DNAJC11: variants seen among roughly 807,000 people sequenced by gnomAD.
DNAJC11 encodes DnaJ heat shock protein family (Hsp40) member C11, also known as dnaJ homolog subfamily C member 11.
Under a neutral mutation model 78.6 loss-of-function variants are expected in DNAJC11, and 15 were observed. The ratio of observed to expected loss-of-function variants is 0.19; its 90% CI spans 0.13 to 0.29. The LOEUF (loss-of-function observed/expected upper bound fraction) is 0.29, where lower values mean the gene tolerates loss of function less well. Ranked by LOEUF, DNAJC11 falls within the 10% of genes least tolerant of loss-of-function variation. The probability of loss-of-function intolerance (pLI) is 1.00; values close to 1 mark genes in which losing one functional copy is unlikely to be tolerated. For synonymous variants in DNAJC11, 292 were observed against 272.1 expected, an observed-to-expected ratio of 1.07 and a Z score of -0.72; for missense variants, 547 against 709.6, an observed-to-expected ratio of 0.77 and a Z score of 2.60.
chr1:6,670,341 T>C (rs1280841823), intron 3 of DNAJC11: 2 of 152,178 alleles, frequency 1.3e-5, no homozygotes, highest in African/African-American at 4.8e-5. Flanking sequence ...AGGCTCACAC[T>C]CAATTTTTTT....
intron 3 of DNAJC11, among the ~76,000 whole-genome samples, chr1:6,668,925 G>A (rs1004005555): frequency 6.6e-5 from 10 of 152,000 alleles, no homozygotes; most frequent in South Asian, 2.1e-4. Context: ...GGTGGCTCAC[G>A]CCTGTAATCC....
chr1:6,638,779 G>A (rs1050854871), intron 11 of DNAJC11, among the ~76,000 whole-genome samples: 1 of 152,138 alleles, frequency 6.6e-6, no homozygotes, highest in Non-Finnish European at 1.5e-5. Context: ...CTACTGTCTC[G>A]GCCTCCCGAA....
chr1:6,637,689 G>A (rs1641803501), intron 12 of DNAJC11, 185 bp from the exon 13 acceptor site: 3 of 657,708 alleles, frequency 4.6e-6, no homozygotes, highest in Admixed American at 2.6e-5. Context: ...TAGACCTAGG[G>A]CAGGCAGCTC....
chr1:6,647,028 G>A (rs940166408), intron 7 of DNAJC11, among the ~76,000 whole-genome samples: 13 of 149,474 alleles, frequency 8.7e-5, no homozygotes, highest in African/African-American at 3.2e-4. Flanking sequence ...GTAGCGGCAC[G>A]CCCTGTAGTC....
At position 6,652,846 on chromosome 1, in the gene DNAJC11, C is replaced by A; in HGVS notation, c.613G>T (p.Ala205Ser). 1 of 1,614,192 alleles carries A rather than the reference C, an allele frequency of 6.2e-7. No homozygotes were observed. The highest frequency in any genetic ancestry group is 8.5e-7 in the Non-Finnish European group (1 of 1,180,046). Reference protein sequence around the residue: ...INFALRRVTSAKGWGELEFGA... With the variant: ...INFALRRVTSSKGWGELEFGA... ...ATTCTTACCTCTCCCCATCCCTTTG[C>A]CGAAGTTACTCGTCTGAGCGCAAAG... is the stretch of plus-strand genomic sequence containing the variant. Residue 205 changes from alanine to serine, a missense_variant, in exon 6 of 16, where the codon GCA (alanine) becomes TCA (serine). Transcript: ENST00000377577.
Position 6,673,620 on chromosome 1 carries a change from C to T in DNAJC11, c.276+4774G>A, listed in dbSNP as rs148729639. Among the ~76,000 whole-genome samples, 34 of 152,318 alleles carry T rather than the reference C, an allele frequency of 2.2e-4. No individual in the cohort carries two copies. In the East Asian group the frequency reaches 6.4e-3, roughly 28 times the overall value. On this transcript the variant is annotated intron_variant, in intron 3 of 15. Coordinates refer to ENST00000377577, the MANE Select transcript of DNAJC11 (RefSeq NM_018198.4). ...CCCCCAATGTTAGCACCTTTTATAA[C>T]CATGGAAGAGCTCTCAAATCTCAGA...
chr1:6,651,579 T>G lies in DNAJC11; in HGVS notation c.654A>C (p.Leu218=), dbSNP rs149367236. 652 of 1,614,008 alleles carry G rather than the reference T, an allele frequency of 4.0e-4. 3 individuals are homozygous for G. The highest frequency in any genetic ancestry group is 6.2e-5 in the Non-Finnish European group (73 of 1,180,000). ...WGELEFGAGD[L]QGPLFGLKLF... The stretch of plus-strand genomic sequence containing the variant: ...GCTTGAGACCGAACAAAGGCCCCTG[T>G]AGGTCTCCAGCTCCAAATTCCAACT... Residue 218 remains leucine, a synonymous_variant, in exon 7 of 16, where the codon CTA becomes CTC. Transcript: ENST00000377577.
In DNAJC11 at chr1:6,691,027, T is replaced by C. The variant is rs962410026; in HGVS notation, c.73-9990A>G. ...CTGAACAAAGAAACAGATAAAACAA[T>C]TCTAAAAAGTTTCTACAAATAGGAA... is the stretch of plus-strand genomic sequence containing the variant. On this transcript the variant is annotated intron_variant, in intron 1 of 15. Transcript: ENST00000377577. Among the ~76,000 whole-genome samples, 41 of 152,036 alleles carry C rather than the reference T, an allele frequency of 2.7e-4. 1 individual carries two copies. The highest frequency in any genetic ancestry group is 9.9e-4 in the African/African-American group (41 of 41,466).
chr1:6,642,329 A>T (rs1641890490), intron 10 of DNAJC11, among the ~76,000 whole-genome samples: 1 of 152,218 alleles, frequency 6.6e-6, no homozygotes, highest in Admixed American at 6.5e-5. Context: ...ACAAGGAGGG[A>T]GACAGGTTCC....
chr1:6,682,163 CAAAAAA>C (rs60985504), intron 1 of DNAJC11, among the ~76,000 whole-genome samples: 1 of 94,074 alleles, frequency 1.1e-5, no homozygotes, highest in Non-Finnish European at 1.9e-5. Flanking sequence ...ACCATAATTA[CAAAAAA>C]AAAAAAAAAA....
intron 12 of DNAJC11, chr1:6,637,815 A>G (rs986233340): frequency 9.6e-5 from 48 of 501,946 alleles, no homozygotes; most frequent in Non-Finnish European, 2.5e-5. Context: ...CAATAAAAAA[A>G]CAATGCGTTG....
rs1641951873 is a variant in DNAJC11 at position 6,645,569 on chromosome 1, C to G, written c.894+220G>C. 6.6e-6 allele frequency among the ~76,000 whole-genome samples: 1 copy of G among 152,220 alleles called. No individual in the cohort carries two copies. Among genetic ancestry groups the G allele is most frequent in the Non-Finnish European group, 1.5e-5 (1 of 68,042 alleles). On this transcript the variant is annotated intron_variant, in intron 8 of 15. Coordinates refer to ENST00000377577, the MANE Select transcript of DNAJC11 (RefSeq NM_018198.4). The surrounding 1 kb of genome is among the most constrained non-coding windows in gnomAD (Gnocchi z 4.1). ...GATGTTGTTCTGCTTTAAGATGATC[C>G]AACAAAGCTGCCCCAGGCGCCTGAA...
At chr1:6,660,130 C>T (rs1452310343) in intron 4 of DNAJC11, among the ~76,000 whole-genome samples, 1 of 150,624 alleles carries the variant, frequency 6.6e-6, no homozygotes, top group Non-Finnish European at 1.5e-5. Context: ...TATGTACCCC[C>T]CACATCATTT....
intron 4 of DNAJC11, among the ~76,000 whole-genome samples, chr1:6,664,345 T>C (rs1642264260): frequency 6.6e-6 from 1 of 151,888 alleles, no homozygotes; most frequent in African/African-American, 2.4e-5. Flanking sequence ...GTTCACGCCA[T>C]TCTCCTACTT....
chr1:6,657,346 G>A (rs890392397), intron 4 of DNAJC11, among the ~76,000 whole-genome samples: 28 of 152,252 alleles, frequency 1.8e-4, no homozygotes, highest in African/African-American at 5.8e-4. Context: ...GAGAGACAGC[G>A]ATGCCAGCCA....
chr1:6,687,712 C>T (rs540254872), intron 1 of DNAJC11, among the ~76,000 whole-genome samples: 53 of 152,264 alleles, frequency 3.5e-4, no homozygotes, highest in African/African-American at 1.1e-3. Flanking sequence ...TCCTGCTCAA[C>T]GCCCCCCTTC....
At chr1:6,678,488 A>C in intron 2 of DNAJC11, 21 bp from the exon 3 acceptor site, 2 of 1,601,772 alleles carry the variant, frequency 1.2e-6, no homozygotes, top group Non-Finnish European at 1.7e-6. Flanking sequence ...AAAATTAAAC[A>C]TGTTTATAAA....
chr1:6,700,618 A>C (rs1642909830), intron 1 of DNAJC11, among the ~76,000 whole-genome samples: 1 of 152,236 alleles, frequency 6.6e-6, no homozygotes. Context: ...ATCAAGGGCT[A>C]TCATAATACT....
At chr1:6,649,295 G>A (rs182410446) in intron 7 of DNAJC11, among the ~76,000 whole-genome samples, 188 of 151,460 alleles carry the variant, frequency 1.2e-3, no homozygotes, top group Middle Eastern at 3.4e-3. Context: ...TCAGCCTCCC[G>A]AGTAGCTGGG....
Sources: allele counts gnomAD v4.1 joint callset (sites outside exome capture counted in the v4.1 genomes callset), GRCh38; gene constraint gnomAD v4.1.1; non-coding constraint Gnocchi (gnomAD v3.1); transcripts MANE v1.5; gene names NCBI Gene and HGNC (gene_info 2026-07-23, HGNC 2026-07-21).